AMER1: variants seen among roughly 807,000 people sequenced by gnomAD.
AMER1 encodes APC membrane recruitment protein 1.
A neutral mutation model predicts 53.0 loss-of-function variants in AMER1; 16 were observed. That is an observed-to-expected ratio of 0.30 (90% confidence interval 0.20 to 0.46). The LOEUF (loss-of-function observed/expected upper bound fraction) is 0.46, where lower values mean the gene tolerates loss of function less well. Among genes scored for constraint, AMER1 ranks in the 20% least tolerant of loss-of-function variants. The probability of loss-of-function intolerance (pLI) is 1.00; values close to 1 mark genes in which losing one functional copy is unlikely to be tolerated. For synonymous variants in AMER1, 354 were observed against 331.9 expected, an observed-to-expected ratio of 1.07 and a Z score of -0.73; for missense variants, 947 against 884.9, an observed-to-expected ratio of 1.07 and a Z score of -0.89.
intron 1 of AMER1, among the ~76,000 whole-genome samples, chrX:64,200,981 T>C (rs991190280): frequency 1.8e-5 from 2 of 110,967 alleles, no homozygotes; most frequent in African/African-American, 6.6e-5. Context: ...TCACTAGGGA[T>C]GGAGGGTTAG....
chrX:64,188,041 C>A lies in AMER1; in HGVS notation c.*1838G>T, dbSNP rs1382356188. The A allele has an allele frequency of 2.6e-6, 2 of 780,884 alleles. No individual in the cohort carries two copies. The highest frequency in any genetic ancestry group is 3.0e-6 in the Non-Finnish European group (2 of 656,073). 64.4% of individuals were successfully genotyped at this position (780,884 alleles called of 1,213,427 possible). A position where few individuals can be genotyped will look rare whatever the true frequency, so the allele number is the denominator to read the frequency against. ...TTGTGAGTAAGGGCACTGGGCCAAC[C>A]CCAATCTGAGAAATGGTGACAAAGA... is the stretch of plus-strand genomic sequence containing the variant. On this transcript the variant is annotated 3_prime_UTR_variant, in exon 2 of 2. Coordinates refer to ENST00000374869, the MANE Select transcript of AMER1 (RefSeq NM_152424.4).
Position 64,189,642 on chromosome X carries a change from A to C in AMER1, c.*237T>G. 1.0e-6 allele frequency: 1 copy of C among 997,378 alleles called. No homozygotes were observed. The highest frequency in any genetic ancestry group is 1.3e-6 in the Non-Finnish European group (1 of 791,907). 82.2% of individuals were successfully genotyped at this position (997,378 alleles called of 1,213,427 possible). ...GTCACAAGAAGAAACCTCGAAAGCA[A>C]AAACTGGAGTGCAGTAGCAGCAGCA... On this transcript the variant is annotated 3_prime_UTR_variant, in exon 2 of 2. Transcript: ENST00000374869.
chrX:64,199,772 C>A (rs759852061), intron 1 of AMER1, among the ~76,000 whole-genome samples: 3 of 112,034 alleles, frequency 2.7e-5, no homozygotes. Context: ...TTTCTTACAA[C>A]TCCTGTTTCA....
rs375361488 is a variant in AMER1, at chrX:64,186,149, G to T, written c.*3730C>A. On this transcript the variant is annotated 3_prime_UTR_variant, in exon 2 of 2. Transcript: ENST00000374869. ...GTCCCACACGCCTGAGTCACTTGGC[G>T]TTTGTCTTCAGTACCTGGGCATCTT... 1 of 1,210,551 alleles carries T rather than the reference G, an allele frequency of 8.3e-7. No individual in the cohort carries two copies. Among genetic ancestry groups the T allele is most frequent in the African/African-American group, 1.7e-5 (1 of 57,683 alleles).
At position 64,185,440 on chromosome X, in the gene AMER1, T is replaced by TGGG; in HGVS notation, c.*4438_*4439insCCC. On this transcript the variant is annotated 3_prime_UTR_variant, in exon 2 of 2. Transcript: ENST00000374869. The stretch of plus-strand genomic sequence containing the variant: ...ACCTAAATATACATTCCTGTTTTAT[T>TGGG]CCCCCCCACCCCCACCCCCATATAC... 6.4e-6 allele frequency: 1 copy of TGGG among 155,074 alleles called. No individual in the cohort carries two copies. 12.8% of individuals were successfully genotyped at this position (155,074 alleles called of 1,213,427 possible). A position where few individuals can be genotyped will look rare whatever the true frequency, so the allele number is the denominator to read the frequency against.
At position 64,187,715 on chromosome X, in the gene AMER1, G is replaced by A. The variant is rs745336821; in HGVS notation, c.*2164C>T. On this transcript the variant is annotated 3_prime_UTR_variant, in exon 2 of 2. Coordinates refer to ENST00000374869, the MANE Select transcript of AMER1 (RefSeq NM_152424.4). ...CCTGTTGTAAAGGCATTTGGTGAGT[G>A]TTTACTTCCTGCCAAATAGCCAGGC... 18 of 773,272 alleles carry A rather than the reference G, an allele frequency of 2.3e-5. No individual in the cohort carries two copies. Among genetic ancestry groups the A allele is most frequent in the Non-Finnish European group, 2.6e-5 (17 of 650,984 alleles). The allele number at this position is 773,272 out of a possible 1,213,427, so 63.7% of individuals were successfully genotyped here. A position where few individuals can be genotyped will look rare whatever the true frequency, so the allele number is the denominator to read the frequency against.
rs1930216704 is a variant in AMER1, at chrX:64,190,360, C to T, written c.2927G>A (p.Ser976Asn). ...GGAAGGCCTGTCCAACTGGTTGGGG[C>T]TTATCCAGGCAGGACCTGGCCCCAC... ...LPVGPGPAWISPNQLDRPSSQ... is the reference protein window; with the variant it reads ...LPVGPGPAWINPNQLDRPSSQ... Residue 976 changes from serine to asparagine, a missense_variant, in exon 2 of 2, where the codon AGC (serine) becomes AAC (asparagine). Physicochemically the swap from Ser to Asn is conservative, Grantham distance 46 (BLOSUM62 1). Coordinates refer to ENST00000374869, the MANE Select transcript of AMER1 (RefSeq NM_152424.4). The T allele has an allele frequency of 8.3e-7, 1 of 1,211,315 alleles. No individual in the cohort carries two copies.
chrX:64,186,177 G>A lies in AMER1; in HGVS notation c.*3702C>T. The A allele has an allele frequency of 2.5e-6, 3 of 1,209,776 alleles. No homozygotes were observed. In the South Asian group the frequency reaches 5.3e-5, roughly 21 times the overall value. On this transcript the variant is annotated 3_prime_UTR_variant, in exon 2 of 2. Transcript: ENST00000374869. ...TGTCTTCAGTACCTGGGCATCTTCT[G>A]CTGTCCCTATCATGGGGGGAGGGAA...
Position 64,189,210 on chromosome X carries a change from G to T in AMER1, c.*669C>A. 1.3e-6 allele frequency: 1 copy of T among 799,801 alleles called. No individual in the cohort carries two copies. Among genetic ancestry groups the T allele is most frequent in the African/African-American group, 2.2e-5 (1 of 45,688 alleles). The allele number at this position is 799,801 out of a possible 1,213,427, so 65.9% of individuals were successfully genotyped here. A position where few individuals can be genotyped will look rare whatever the true frequency, so the allele number is the denominator to read the frequency against. On this transcript the variant is annotated 3_prime_UTR_variant, in exon 2 of 2. Coordinates refer to ENST00000374869, the MANE Select transcript of AMER1 (RefSeq NM_152424.4). ...ACTTGATCCTCTCTAAGGACAGCTA[G>T]CTGGGATGAATAGCTTATAGTCATC...
intron 1 of AMER1, 134 bp from the exon 2 acceptor site, chrX:64,193,518 T>A: frequency 8.4e-6 from 4 of 474,815 alleles, no homozygotes; most frequent in Non-Finnish European, 1.1e-5. Context: ...GGGCAAATCT[T>A]AATCCACTCG....
At chrX:64,195,833 C>G (rs1046471379) in intron 1 of AMER1, among the ~76,000 whole-genome samples, 1 of 112,270 alleles carries the variant, frequency 8.9e-6, no homozygotes, top group Non-Finnish European at 1.9e-5. Flanking sequence ...ATTCTTTATA[C>G]CTTGTAAACA....
rs1308454435 is a variant in AMER1 at position 64,186,109 on chromosome X, C to A, written c.*3770G>T. 1 of 1,202,203 alleles carries A rather than the reference C, an allele frequency of 8.3e-7. No homozygotes were observed. The highest frequency in any genetic ancestry group is 1.8e-5 in the African/African-American group (1 of 56,940). On this transcript the variant is annotated 3_prime_UTR_variant, in exon 2 of 2. Transcript: ENST00000374869. The stretch of plus-strand genomic sequence containing the variant: ...AACATAAAATAAAGCCAGAAAATGA[C>A]AAGCTGTCTACCAGGTCCCACACGC...
At position 64,186,448 on chromosome X, in the gene AMER1, T is replaced by TATATA; in HGVS notation, c.*3430_*3431insTATAT. On this transcript the variant is annotated 3_prime_UTR_variant, in exon 2 of 2. Transcript: ENST00000374869. ...CTTTTGATATATATATATATATATA[T>TATATA]TAAAAACAACTTGAATGCAACATAC... 1 of 736,559 alleles carries TATATA rather than the reference T, an allele frequency of 1.4e-6. No homozygotes were observed. The highest frequency in any genetic ancestry group is 7.3e-5 in the South Asian group (1 of 13,741). 60.7% of individuals were successfully genotyped at this position (736,559 alleles called of 1,213,427 possible).
rs1602064468 is a variant in AMER1, at chrX:64,186,037, C to T, written c.*3842G>A. 1.1e-6 allele frequency: 1 copy of T among 942,725 alleles called. No homozygotes were observed. Among genetic ancestry groups the T allele is most frequent in the Non-Finnish European group, 1.5e-6 (1 of 669,158 alleles). The allele number at this position is 942,725 out of a possible 1,213,427, so 77.7% of individuals were successfully genotyped here. A position where few individuals can be genotyped will look rare whatever the true frequency, so the allele number is the denominator to read the frequency against. The stretch of plus-strand genomic sequence containing the variant: ...GGAAAAAAAATAAGACACATGAGTA[C>T]TCTCAGAGGGTCTAGACATGGGGAA... On this transcript the variant is annotated 3_prime_UTR_variant, in exon 2 of 2. Coordinates refer to ENST00000374869, the MANE Select transcript of AMER1 (RefSeq NM_152424.4).
rs1435543004 is a variant in AMER1, at chrX:64,192,418, C to T, written c.869G>A (p.Gly290Glu). Reference sequence around the variant, plus strand: ...TACCTCTCCTGCTACTACCTTCTCCCCTGTTTCTGGGCTATGGGGCTCCTC... The same window carrying T: ...TACCTCTCCTGCTACTACCTTCTCCTCTGTTTCTGGGCTATGGGGCTCCTC... ...SLEEPHSPET[G>E]EKVVAGEVNP... The change falls in exon 2 of 2, where the codon GGG (glycine) becomes GAG (glutamate). Residue 290 changes from glycine to glutamate, a missense_variant. Gly to Glu is a moderately conservative substitution (Grantham distance 98). Coordinates refer to ENST00000374869, the MANE Select transcript of AMER1 (RefSeq NM_152424.4). 9 of 1,209,945 alleles carry T rather than the reference C, an allele frequency of 7.4e-6. No homozygotes were observed. The highest frequency in any genetic ancestry group is 1.0e-5 in the Non-Finnish European group (9 of 894,844).
At position 64,190,323 on chromosome X, in the gene AMER1, T is replaced by G; in HGVS notation, c.2964A>C (p.Pro988=). The part of the protein sequence containing the change: ...NQLDRPSSQS[P]YRQATCCIPP... ...GTATGCAACAGGTTGCCTGCCTATATGGAGACTGGCTGGAAGGCCTGTCCA... is the reference window on the plus strand; with the variant it reads ...GTATGCAACAGGTTGCCTGCCTATAGGGAGACTGGCTGGAAGGCCTGTCCA... Residue 988 remains proline, a synonymous_variant, in exon 2 of 2, where the codon CCA becomes CCC. Coordinates refer to ENST00000374869, the MANE Select transcript of AMER1 (RefSeq NM_152424.4). 2 of 1,211,596 alleles carry G rather than the reference T, an allele frequency of 1.7e-6. No homozygotes were observed. Among genetic ancestry groups the G allele is most frequent in the Non-Finnish European group, 2.2e-6 (2 of 895,388 alleles).
At chrX:64,195,210 C>T (rs1930340890) in intron 1 of AMER1, among the ~76,000 whole-genome samples, 1 of 111,730 alleles carries the variant, frequency 9.0e-6, no homozygotes. Context: ...AGTTTTCTGC[C>T]CCTGGGTCTG....
chrX:64,193,237 G>A lies in AMER1; in HGVS notation c.50C>T (p.Ser17Phe), dbSNP rs528118163. The A allele has an allele frequency of 1.7e-6, 2 of 1,211,936 alleles. No individual in the cohort carries two copies. The highest frequency in any genetic ancestry group is 2.2e-6 in the Non-Finnish European group (2 of 895,610). The change falls in exon 2 of 2, where the codon TCT becomes TTT. Residue 17 changes from serine (S) to phenylalanine (F), a missense_variant. Transcript: ENST00000374869. The part of the protein sequence containing the change: ...EAAQAKGAAA[S>F]GSTREQTAEK... Reference sequence around the variant, plus strand: ...TGCTGTTTGTTCACGGGTACTCCCAGAGGCTGCAGCTCCCTTGGCCTGAGC... The same window carrying A: ...TGCTGTTTGTTCACGGGTACTCCCAAAGGCTGCAGCTCCCTTGGCCTGAGC...
chrX:64,197,086 C>T (rs905097865), intron 1 of AMER1, among the ~76,000 whole-genome samples: 1 of 112,759 alleles, frequency 8.9e-6, no homozygotes, highest in Admixed American at 9.3e-5. Flanking sequence ...AAAGGACAGA[C>T]TCTGCAGATC....
Sources: gnomAD v4.1 joint callset for allele counts (sites outside exome capture counted in the v4.1 genomes callset) on GRCh38, gnomAD v4.1.1 for gene constraint, MANE v1.5 for transcripts, NCBI Gene and HGNC (gene_info 2026-07-23, HGNC 2026-07-21) for gene names.